Variants in TRAIP observed in about 807,000 individuals in gnomAD.
TRAIP encodes E3 ubiquitin-protein ligase TRAIP.
A neutral mutation model predicts 65.0 loss-of-function variants in TRAIP; 37 were observed. The observed-to-expected ratio is 0.57, with a 90% CI of 0.44 to 0.75. The LOEUF (loss-of-function observed/expected upper bound fraction) is 0.75. Among genes scored for constraint, TRAIP ranks in the 30% least tolerant of loss-of-function variants. The probability of loss-of-function intolerance (pLI) is 0.00; values close to 1 mark genes in which losing one functional copy is unlikely to be tolerated. For synonymous variants in TRAIP, 187 were observed against 219.1 expected (o/e 0.85, Z 1.29); for missense variants, 481 against 579.4 (o/e 0.83, Z 1.74).
intron 6 of TRAIP, 39 bp from the exon 7 acceptor site, chr3:49,841,978 A>G: frequency 2.6e-6 from 4 of 1,531,566 alleles, no homozygotes; most frequent in Non-Finnish European, 3.6e-6. Flanking sequence ...TGCAATCTGG[A>G]GGCTGATGGG....
chr3:49,840,673 C>T (rs942650742), intron 8 of TRAIP: 9 of 562,024 alleles, frequency 1.6e-5, no homozygotes, highest in Non-Finnish European at 2.2e-5. Flanking sequence ...CAAAAATAGG[C>T]CTCTGATGCT....
At position 49,835,961 on chromosome 3, in the gene TRAIP, AT is replaced by A. The variant is rs1055267104; in HGVS notation, c.884+3810del. Among the ~76,000 whole-genome samples, 5 of 149,280 alleles carry A rather than the reference AT, an allele frequency of 3.3e-5. No homozygotes were observed. In the South Asian group the frequency reaches 6.4e-4, roughly 19 times the overall value. On this transcript the variant is annotated intron_variant, in intron 10 of 14. Coordinates refer to ENST00000331456, the MANE Select transcript of TRAIP (RefSeq NM_005879.3). Reference sequence around the variant, plus strand: ...CTCAAAAAAAAAAAAAAAATTCTTAATTTTTTTTTGTTTTTGTTTTTGCGAC... The same window carrying A: ...CTCAAAAAAAAAAAAAAAATTCTTAATTTTTTTTGTTTTTGTTTTTGCGAC...
At chr3:49,854,107 AC>A (rs1200757594) in intron 1 of TRAIP, among the ~76,000 whole-genome samples, 1 of 152,138 alleles carries the variant, frequency 6.6e-6, no homozygotes. Flanking sequence ...AGGGTGGATC[AC>A]TTGAGTACAG....
At chr3:49,836,614 T>A (rs749526398) in intron 10 of TRAIP, among the ~76,000 whole-genome samples, 30 of 152,130 alleles carry the variant, frequency 2.0e-4, no homozygotes, top group Non-Finnish European at 3.5e-4. Flanking sequence ...GAGGATCGCT[T>A]GAGGCCAGGA....
At chr3:49,845,281 A>G (rs1209854189) in intron 3 of TRAIP, among the ~76,000 whole-genome samples, 2 of 152,246 alleles carry the variant, frequency 1.3e-5, no homozygotes, top group African/African-American at 2.4e-5. Flanking sequence ...CCTGTTCAGG[A>G]TGCCACAGAA....
In TRAIP at chr3:49,830,020, C is replaced by T. The variant is rs1274543909; in HGVS notation, c.1086G>A (p.Lys362=). 3 of 1,614,070 alleles carry T rather than the reference C, an allele frequency of 1.9e-6. No individual in the cohort carries two copies. The highest frequency in any genetic ancestry group is 2.5e-6 in the Non-Finnish European group (3 of 1,180,022). ...TGTGCTTCTTCTAGAAAGCTCTTACCTTCCTGGGGCCTTTGCATATCTTCT... is the reference window on the plus strand; with the variant it reads ...TGTGCTTCTTCTAGAAAGCTCTTACTTTCCTGGGGCCTTTGCATATCTTCT... The part of the protein sequence containing the change: ...VPKKICKGPR[K]ESQLSLGGQS... The change falls in exon 12 of 15, where the codon AAG becomes AAA. Residue 362 remains lysine (K), a splice_region_variant and synonymous_variant. Transcript: ENST00000331456.
intron 3 of TRAIP, among the ~76,000 whole-genome samples, chr3:49,847,051 G>A (rs976052890): frequency 2.0e-5 from 3 of 151,878 alleles, no homozygotes; most frequent in South Asian, 2.1e-4. Context: ...ATGGTGGCAC[G>A]TGCCTGTAGT....
chr3:49,845,218 T>C (rs2081871807), intron 3 of TRAIP, among the ~76,000 whole-genome samples: 1 of 152,194 alleles, frequency 6.6e-6, no homozygotes, highest in African/African-American at 2.4e-5. Flanking sequence ...TGCAAATGTT[T>C]CACAGCCATG....
chr3:49,841,218 T>A, intron 7 of TRAIP, 146 bp from the exon 8 acceptor site: 1 of 691,778 alleles, frequency 1.4e-6, no homozygotes. Context: ...AAGTACCAGG[T>A]GGCACTGTGG....
chr3:49,849,995 C>T (rs2081917466), intron 1 of TRAIP, among the ~76,000 whole-genome samples: 1 of 151,720 alleles, frequency 6.6e-6, no homozygotes, highest in South Asian at 2.1e-4. Context: ...CACAGGCGTG[C>T]ACCACCATGC....
Position 49,828,889 on chromosome 3 carries a change from G to T in TRAIP, c.*214C>A. 1.7e-6 allele frequency: 1 copy of T among 592,398 alleles called. No homozygotes were observed. The highest frequency in any genetic ancestry group is 1.9e-5 in the African/African-American group (1 of 53,886). 36.7% of individuals were successfully genotyped at this position (592,398 alleles called of 1,614,324 possible). A position where few individuals can be genotyped will look rare whatever the true frequency, so the allele number is the denominator to read the frequency against. On this transcript the variant is annotated 3_prime_UTR_variant, in exon 15 of 15. Transcript: ENST00000331456. ...AGCAGGACCTGCTGACAGGATCAGT[G>T]GGCTGGTCATGTCAGCTCCCAGTCG...
chr3:49,835,437 G>A (rs1269541583), intron 10 of TRAIP, among the ~76,000 whole-genome samples: 2 of 152,284 alleles, frequency 1.3e-5, no homozygotes, highest in Middle Eastern at 6.8e-3. Context: ...GGGAGTTATT[G>A]TTTAATGGGT....
chr3:49,832,493 A>C (rs1057468856), intron 10 of TRAIP, among the ~76,000 whole-genome samples: 3 of 137,560 alleles, frequency 2.2e-5, no homozygotes, highest in Admixed American at 7.1e-5. Context: ...CCGTCTCAGG[A>C]AAAAAAAAAA....
intron 1 of TRAIP, among the ~76,000 whole-genome samples, chr3:49,850,915 G>A (rs1286989887): frequency 6.6e-6 from 1 of 151,816 alleles, no homozygotes; most frequent in African/African-American, 2.4e-5. Flanking sequence ...CCAAAATGCT[G>A]GGATTACAGG....
At chr3:49,833,682 T>C (rs760486158) in intron 10 of TRAIP, among the ~76,000 whole-genome samples, 2 of 152,114 alleles carry the variant, frequency 1.3e-5, no homozygotes, top group African/African-American at 2.4e-5. Flanking sequence ...GGTTACACCG[T>C]GTTAGCCAGG....
At chr3:49,840,499 A>G in intron 8 of TRAIP, 126 bp from the exon 9 acceptor site, 1 of 748,360 alleles carries the variant, frequency 1.3e-6, no homozygotes, top group Non-Finnish European at 2.2e-6. Context: ...CAGAGATCCC[A>G]GCTCTCTGAG....
intron 3 of TRAIP, among the ~76,000 whole-genome samples, chr3:49,846,422 G>A (rs749815871): frequency 6.6e-6 from 1 of 152,076 alleles, no homozygotes; most frequent in African/African-American, 2.4e-5. Context: ...AAAATCTCCC[G>A]TGGCTGGGGA....
intron 1 of TRAIP, among the ~76,000 whole-genome samples, chr3:49,850,422 C>T (rs2081920624): frequency 6.6e-6 from 1 of 151,458 alleles, no homozygotes; most frequent in Admixed American, 6.6e-5. Flanking sequence ...TCGTTTGAAC[C>T]TGGGAGGTGG....
At chr3:49,840,205 G>A (rs982597718) in intron 9 of TRAIP, 79 bp downstream of exon 9, 89 of 1,310,098 alleles carry the variant, frequency 6.8e-5, no homozygotes, top group Non-Finnish European at 6.9e-5. Flanking sequence ...CAAGGGTCCT[G>A]GGCAGAGATA....
Sources: gnomAD v4.1 joint callset for allele counts (sites outside exome capture counted in the v4.1 genomes callset) on GRCh38, gnomAD v4.1.1 for gene constraint, MANE v1.5 for transcripts, NCBI Gene and HGNC (gene_info 2026-07-23, HGNC 2026-07-21) for gene names.